Variants in FAM81A observed in about 807,000 individuals in gnomAD.
FAM81A encodes family with sequence similarity 81 member A, also known as protein FAM81A.
Under a neutral mutation model 46.7 loss-of-function variants are expected in FAM81A, and 19 were observed. The ratio of observed to expected loss-of-function variants is 0.41; its 90% CI spans 0.28 to 0.60. The LOEUF is 0.60. Among genes scored for constraint, FAM81A ranks in the 20% least tolerant of loss-of-function variants. The pLI, the probability that FAM81A is intolerant of heterozygous loss-of-function variation, is 0.34. For synonymous variants in FAM81A, 183 were observed against 152.9 expected, an observed-to-expected ratio of 1.20 and a Z score of -1.45; for missense variants, 377 against 453.5, an observed-to-expected ratio of 0.83 and a Z score of 1.53.
rs2081994923 is a variant in FAM81A, at chr15:59,492,762, A to G, written c.413+373A>G. Among the ~76,000 whole-genome samples, 3 of 152,160 alleles carry G rather than the reference A, an allele frequency of 2.0e-5. No homozygotes were observed. The South Asian group carries it at 6.2e-4, about 32-fold the overall frequency. The stretch of plus-strand genomic sequence containing the variant: ...TATTCATTTTTATTTTATTTTCGGA[A>G]AGTATTGGTCTGGGAAAGATTGGAA... On this transcript the variant is annotated intron_variant, in intron 4 of 8. Transcript: ENST00000288228.
intron 2 of FAM81A, among the ~76,000 whole-genome samples, chr15:59,430,093 G>A (rs1009809891): frequency 2.6e-5 from 4 of 152,156 alleles, no homozygotes; most frequent in Non-Finnish European, 5.9e-5. Context: ...TAATTGTCTG[G>A]TGGTGGTGAT....
At chr15:59,495,140 C>T (rs1051612084) in intron 4 of FAM81A, among the ~76,000 whole-genome samples, 25 of 152,172 alleles carry the variant, frequency 1.6e-4, no homozygotes, top group African/African-American at 5.6e-4. Flanking sequence ...GATTTCAGAA[C>T]GTTTTTATCA....
At chr15:59,515,580 A>G (rs2082258300) in intron 7 of FAM81A, among the ~76,000 whole-genome samples, 1 of 152,180 alleles carries the variant, frequency 6.6e-6, no homozygotes, top group Non-Finnish European at 1.5e-5. Flanking sequence ...ACAGATTCCC[A>G]TAAAAACCAA....
chr15:59,400,239 A>G (rs561787126), intron 1 of FAM81A, among the ~76,000 whole-genome samples: 7 of 150,466 alleles, frequency 4.7e-5, no homozygotes, highest in South Asian at 4.2e-4. Context: ...ACACGTCCCA[A>G]TACCAGAGCG....
At chr15:59,457,819 T>C (rs1232129572) in intron 1 of FAM81A, among the ~76,000 whole-genome samples, 3 of 152,196 alleles carry the variant, frequency 2.0e-5, no homozygotes, top group Admixed American at 1.3e-4. Flanking sequence ...AATCAGATCA[T>C]AGTTAGTAGG....
intron 4 of FAM81A, among the ~76,000 whole-genome samples, chr15:59,492,638 G>T (rs1305060063): frequency 2.0e-5 from 3 of 152,100 alleles, no homozygotes; most frequent in Admixed American, 2.0e-4. Context: ...TCACTCAGCT[G>T]ACCTTGTAAT....
rs2081376856 is a variant in FAM81A, at chr15:59,448,562, G to A, written c.-77-9988G>A. 2.0e-5 allele frequency among the ~76,000 whole-genome samples: 3 copies of A among 147,036 alleles called. No homozygotes were observed. In the South Asian group the frequency reaches 6.5e-4, roughly 32 times the overall value. On this transcript the variant is annotated intron_variant, in intron 1 of 8. Coordinates refer to ENST00000288228, the MANE Select transcript of FAM81A (RefSeq NM_152450.3). ...ATAGGTAGATAGATAGATAGATAAA[G>A]CATACTATAAATCCACCTTGGTGGG...
intron 1 of FAM81A, among the ~76,000 whole-genome samples, chr15:59,449,552 C>T (rs941404448): frequency 1.6e-4 from 24 of 151,994 alleles, no homozygotes; most frequent in African/African-American, 3.4e-4. Context: ...GAGGCCAAGG[C>T]GGGCGGATCA....
chr15:59,422,298 G>T (rs1239339976), intron 2 of FAM81A, among the ~76,000 whole-genome samples: 2 of 151,994 alleles, frequency 1.3e-5, no homozygotes, highest in African/African-American at 4.8e-5. Context: ...TGAGATTAGG[G>T]TATCACTTGA....
chr15:59,425,761 G>A (rs1387640832), intron 2 of FAM81A, among the ~76,000 whole-genome samples: 1 of 152,152 alleles, frequency 6.6e-6, no homozygotes, highest in African/African-American at 2.4e-5. Flanking sequence ...GAGTAAGTGG[G>A]ACTACAGGCC....
chr15:59,417,092 G>A (rs1206572809), intron 2 of FAM81A, among the ~76,000 whole-genome samples: 1 of 152,076 alleles, frequency 6.6e-6, no homozygotes, highest in African/African-American at 2.4e-5. Context: ...TTCTGTGGTT[G>A]CCCTGAAAGA....
intron 2 of FAM81A, among the ~76,000 whole-genome samples, chr15:59,411,098 T>C (rs2141538544): frequency 6.6e-6 from 1 of 152,308 alleles, no homozygotes; most frequent in East Asian, 1.9e-4. Flanking sequence ...CATTCAGCTT[T>C]TGAACATTAT....
intron 1 of FAM81A, among the ~76,000 whole-genome samples, chr15:59,450,073 C>T (rs1313867506): frequency 6.8e-6 from 1 of 147,950 alleles, no homozygotes; most frequent in African/African-American, 2.5e-5. Context: ...TAGGTGTGTG[C>T]CACCACACCC....
intron 4 of FAM81A, among the ~76,000 whole-genome samples, chr15:59,497,760 G>A (rs949111673): frequency 2.0e-5 from 3 of 152,144 alleles, no homozygotes; most frequent in African/African-American, 4.8e-5. Context: ...GGTGGCACAT[G>A]CCTGTAGTTG....
chr15:59,488,022 C>A (rs1392856835), intron 3 of FAM81A, among the ~76,000 whole-genome samples: 1 of 152,002 alleles, frequency 6.6e-6, no homozygotes, highest in East Asian at 1.9e-4. Context: ...AAACCCTCAA[C>A]AAAATACTGG....
chr15:59,463,278 T>A (rs1216503580), intron 3 of FAM81A, among the ~76,000 whole-genome samples: 2 of 152,200 alleles, frequency 1.3e-5, no homozygotes, highest in Non-Finnish European at 2.9e-5. Flanking sequence ...TTGTTGAAAA[T>A]CAATTGAACA....
intron 3 of FAM81A, among the ~76,000 whole-genome samples, chr15:59,467,280 C>T (rs2081626274): frequency 6.6e-6 from 1 of 152,100 alleles, no homozygotes; most frequent in Non-Finnish European, 1.5e-5. Flanking sequence ...GGCATTGAAT[C>T]TATAAATTAC....
At chr15:59,483,111 C>A (rs2081874546) in intron 3 of FAM81A, among the ~76,000 whole-genome samples, 1 of 151,674 alleles carries the variant, frequency 6.6e-6, no homozygotes, top group Non-Finnish European at 1.5e-5. Flanking sequence ...AATCTCGGTT[C>A]ACTGCAACCT....
chr15:59,473,870 T>G (rs2081731102), intron 3 of FAM81A, among the ~76,000 whole-genome samples: 1 of 152,170 alleles, frequency 6.6e-6, no homozygotes, highest in Admixed American at 6.5e-5. Flanking sequence ...AGAGACAAGG[T>G]CTTGCTATGT....
Sources: allele counts gnomAD v4.1 joint callset (sites outside exome capture counted in the v4.1 genomes callset), GRCh38; gene constraint gnomAD v4.1.1; transcripts MANE v1.5; gene names NCBI Gene and HGNC (gene_info 2026-07-23, HGNC 2026-07-21).